KLRG1: variants seen among roughly 807,000 people sequenced by gnomAD.
KLRG1 encodes killer cell lectin-like receptor subfamily G member 1.
In KLRG1, 16 loss-of-function variants were observed where a neutral mutation model predicts 21.8. That is an observed-to-expected ratio of 0.73 (90% CI 0.50 to 1.11). The LOEUF (loss-of-function observed/expected upper bound fraction) is 1.11, where lower values mean the gene tolerates loss of function less well. Ranked by LOEUF, KLRG1 falls within the 50% of genes most tolerant of loss-of-function variation. The pLI is 0.00. For missense variants in KLRG1, 173 were observed against 218.3 expected (o/e 0.79, Z 1.31); for synonymous variants, 69 against 75.9 (o/e 0.91, Z 0.47).
the KLRG1 span, among the ~76,000 whole-genome samples, chr12:9,119,721 C>A: frequency 6.6e-6 from 1 of 152,070 alleles, no homozygotes; most frequent in African/African-American, 2.4e-5. Flanking sequence ...GGGATGATCC[C>A]AGAGGGAGGT....
the KLRG1 span, chr12:9,158,409 G>A: frequency 2.5e-6 from 4 of 1,613,748 alleles, no homozygotes; most frequent in African/African-American, 1.3e-5. Context: ...GAAGTTTGTG[G>A]AACAGTTCAC....
the KLRG1 span, among the ~76,000 whole-genome samples, chr12:9,158,733 T>C: frequency 6.9e-6 from 1 of 145,530 alleles, no homozygotes; most frequent in African/African-American, 2.5e-5. Context: ...CTTAGACATC[T>C]CTTTTTCTTT....
At chr12:8,987,792 T>A (rs1369785001), upstream of KLRG1, among the ~76,000 whole-genome samples, 1 of 152,220 alleles carries the variant, frequency 6.6e-6, no homozygotes, top group African/African-American at 2.4e-5. Flanking sequence ...TCACTTAGTA[T>A]AATGTTTTCA....
chr12:9,135,473 G>C, the KLRG1 span: 3 of 369,818 alleles, frequency 8.1e-6, no homozygotes, highest in Admixed American at 7.9e-5. Context: ...CCACCAGCAG[G>C]GGGTAGCACT....
At chr12:9,169,428 A>T in the KLRG1 span, 1 of 1,588,554 alleles carries the variant, frequency 6.3e-7, no homozygotes, top group South Asian at 1.2e-5. Context: ...TGAGAATTTT[A>T]CCTTGAGGAA....
the KLRG1 span, among the ~76,000 whole-genome samples, chr12:9,211,940 T>C: frequency 6.6e-6 from 1 of 152,152 alleles, no homozygotes; most frequent in African/African-American, 2.4e-5. Flanking sequence ...TTGGACTGCC[T>C]CCTAGACCTT....
the KLRG1 span, among the ~76,000 whole-genome samples, chr12:9,069,447 T>G: frequency 1.3e-5 from 2 of 152,202 alleles, no homozygotes; most frequent in African/African-American, 2.4e-5. Flanking sequence ...AAGGGCTACT[T>G]CCTTATATTA....
chr12:9,164,564 T>C, the KLRG1 span, among the ~76,000 whole-genome samples: 1 of 152,198 alleles, frequency 6.6e-6, no homozygotes, highest in Non-Finnish European at 1.5e-5. Flanking sequence ...TCTGCTGCTA[T>C]GTAGATTTTC....
At chr12:9,160,869 C>T in the KLRG1 span, among the ~76,000 whole-genome samples, 2 of 151,366 alleles carry the variant, frequency 1.3e-5, no homozygotes, top group East Asian at 1.9e-4. Flanking sequence ...GAGCCGAGAT[C>T]ACGTCACTGT....
chr12:8,953,715 T>C (rs1946242691), intron 1 of KLRG1, among the ~76,000 whole-genome samples: 1 of 152,198 alleles, frequency 6.6e-6, no homozygotes, highest in Admixed American at 6.5e-5. Flanking sequence ...CAGAAACAGA[T>C]ATCATATTGG....
At chr12:9,043,822 A>C in the KLRG1 span, among the ~76,000 whole-genome samples, 12,530 of 152,272 alleles carry the variant, frequency 0.082, 818 homozygotes, top group African/African-American at 0.18. Flanking sequence ...ATAGTTTTTG[A>C]AGCTCTTGTT....
chr12:9,129,579 AT>A, the KLRG1 span, among the ~76,000 whole-genome samples: 1 of 150,662 alleles, frequency 6.6e-6, no homozygotes, highest in Non-Finnish European at 1.5e-5. Context: ...CATTTTACCC[AT>A]TTTTTTTTCC....
In KLRG1 at chr12:8,963,152, T is replaced by G. The variant is rs775728903; in HGVS notation, c.-156+12916T>G. Reference sequence around the variant, plus strand: ...ACTGGGGTGAGTATGGAAAACCCTGTCAACCTAGAGTTCTATGCATTCAAA... The same window carrying G: ...ACTGGGGTGAGTATGGAAAACCCTGGCAACCTAGAGTTCTATGCATTCAAA... On this transcript the variant is annotated intron_variant, in intron 1 of 4. Transcript: ENST00000539240. 5.5e-4 allele frequency among the ~76,000 whole-genome samples: 84 copies of G among 152,216 alleles called. 1 individual carries two copies. The highest frequency in any genetic ancestry group is 1.0e-3 in the Non-Finnish European group (68 of 68,042).
At chr12:8,964,372 C>T (rs1194033401) in intron 1 of KLRG1, among the ~76,000 whole-genome samples, 1 of 152,178 alleles carries the variant, frequency 6.6e-6, no homozygotes, top group East Asian at 1.9e-4. Context: ...ATCCTGAGTT[C>T]TAGTTTGATT....
At chr12:9,033,243 C>T in the KLRG1 span, among the ~76,000 whole-genome samples, 4 of 151,888 alleles carry the variant, frequency 2.6e-5, no homozygotes, top group Non-Finnish European at 5.9e-5. Context: ...TCAAGACTGG[C>T]CTGGGGAACG....
the KLRG1 span, among the ~76,000 whole-genome samples, chr12:9,063,745 G>C: frequency 6.6e-6 from 1 of 152,156 alleles, no homozygotes; most frequent in African/African-American, 2.4e-5. Context: ...ACCCAGATGT[G>C]TATCTTTTTC....
chr12:9,192,006 G>A, the KLRG1 span, among the ~76,000 whole-genome samples: 1 of 152,152 alleles, frequency 6.6e-6, no homozygotes, highest in African/African-American at 2.4e-5. Context: ...ATACAGAGTA[G>A]ACAATCACAT....
At chr12:8,988,315 T>C (rs1946879252), upstream of KLRG1, 1 of 152,252 alleles carries the variant, frequency 6.6e-6, no homozygotes, top group Non-Finnish European at 1.5e-5. Flanking sequence ...CACTCACCTT[T>C]GTATTCTCTC....
chr12:8,954,009 G>A (rs1414543107), intron 1 of KLRG1, among the ~76,000 whole-genome samples: 1 of 152,180 alleles, frequency 6.6e-6, no homozygotes, highest in African/African-American at 2.4e-5. Flanking sequence ...GTGGGCCTCT[G>A]TTGAGCAGCC....
Sources: gnomAD v4.1 joint callset for allele counts (sites outside exome capture counted in the v4.1 genomes callset) on GRCh38, gnomAD v4.1.1 for gene constraint, MANE v1.5 for transcripts, NCBI Gene and HGNC (gene_info 2026-07-23, HGNC 2026-07-21) for gene names.